The following ANKRD30BL variants were observed in gnomAD, a reference collection of about 807,000 sequenced individuals.
ANKRD30BL encodes putative ankyrin repeat domain-containing protein 30B-like.
ANKRD30BL carries 20 observed loss-of-function variants against 18.4 expected under a neutral mutation model. That is an observed-to-expected ratio of 1.09 (90% confidence interval 0.77 to 1.58). The LOEUF is 1.58. Ranked by LOEUF, ANKRD30BL falls within the 40% of genes most tolerant of loss-of-function variation. The pLI is 0.00. For missense variants in ANKRD30BL, 224 were observed against 268.6 expected, an observed-to-expected ratio of 0.83 and a Z score of 1.16; for synonymous variants, 72 against 100.9, an observed-to-expected ratio of 0.71 and a Z score of 1.72.
intron 1 of ANKRD30BL, among the ~76,000 whole-genome samples, chr2:132,224,962 G>A (rs1679801477): frequency 6.6e-6 from 1 of 151,958 alleles, no homozygotes; most frequent in African/African-American, 2.4e-5. Flanking sequence ...TGAGGCCTAT[G>A]GTGGAAAAGG....
intron 1 of ANKRD30BL, among the ~76,000 whole-genome samples, chr2:132,195,922 A>G (rs1678958301): frequency 6.6e-6 from 1 of 151,750 alleles, no homozygotes; most frequent in African/African-American, 2.4e-5. Context: ...TGGGTGGATC[A>G]CGAGGTCAGG....
intron 3 of ANKRD30BL, chr2:132,156,672 AC>A (rs1289396255): frequency 1.8e-5 from 3 of 164,974 alleles, no homozygotes; most frequent in African/African-American, 7.1e-5. Context: ...GGCAAATTTT[AC>A]TTTCCTGTAG....
intron 4 of ANKRD30BL, chr2:132,152,756 C>T (rs1047125006): frequency 3.3e-5 from 5 of 152,106 alleles, no homozygotes; most frequent in African/African-American, 1.2e-4. Context: ...ACGACCACAA[C>T]TAATATTGGC....
intron 1 of ANKRD30BL, among the ~76,000 whole-genome samples, chr2:132,183,717 ATGTG>A (rs966849191): frequency 1.4e-4 from 21 of 152,196 alleles, no homozygotes; most frequent in Admixed American, 5.2e-4. Context: ...ACGTGTATAT[ATGTG>A]TGTATGTATA....
At chr2:132,209,601 G>A (rs1003749876) in intron 1 of ANKRD30BL, among the ~76,000 whole-genome samples, 2 of 152,092 alleles carry the variant, frequency 1.3e-5, no homozygotes, top group African/African-American at 4.8e-5. Context: ...TCTTTTGATT[G>A]AACAGTTTTG....
rs185202495 is a variant in ANKRD30BL, at chr2:132,161,743, G to C, written c.-38C>G. The C allele has an allele frequency of 1.2e-3, 1,170 of 981,692 alleles. 4 individuals carry two copies. The African/African-American group carries it at 0.016, about 13-fold the overall frequency. The allele number at this position is 981,692 out of a possible 1,614,324, so 60.8% of individuals were successfully genotyped here. A position where few individuals can be genotyped will look rare whatever the true frequency, so the allele number is the denominator to read the frequency against. Reference sequence around the variant, plus strand: ...CTGCTAGAGAGAGCCCGTGCCTCCCGCTGCTCGCCCTTCCCCAGTCCCCGC... The same window carrying C: ...CTGCTAGAGAGAGCCCGTGCCTCCCCCTGCTCGCCCTTCCCCAGTCCCCGC... On this transcript the variant is annotated 5_prime_UTR_variant, in exon 1 of 6. Coordinates refer to ENST00000409867, the MANE Select transcript of ANKRD30BL (RefSeq NM_001358416.1).
chr2:132,151,453 T>C (rs1399447750), intron 4 of ANKRD30BL, among the ~76,000 whole-genome samples: 4 of 152,016 alleles, frequency 2.6e-5, no homozygotes, highest in Non-Finnish European at 5.9e-5. Flanking sequence ...GCTGAAACAA[T>C]TTAAAATTCC....
upstream of ANKRD30BL, among the ~76,000 whole-genome samples, chr2:132,165,464 C>T (rs192420933): frequency 3.7e-4 from 53 of 142,618 alleles, no homozygotes; most frequent in Admixed American, 4.9e-4. Flanking sequence ...GAGGCCGAGG[C>T]GGTCGCATTG....
intron 1 of ANKRD30BL, among the ~76,000 whole-genome samples, chr2:132,159,600 T>A (rs967352717): frequency 7.9e-5 from 12 of 152,206 alleles, no homozygotes; most frequent in African/African-American, 2.9e-4. Context: ...ATTGCTCAAT[T>A]ATAATTAGCG....
In ANKRD30BL at chr2:132,181,242, C is replaced by T. The variant is rs143211721; in HGVS notation, n.442-24096G>A. 7.2e-5 allele frequency among the ~76,000 whole-genome samples: 11 copies of T among 151,908 alleles called. No homozygotes were observed. In the South Asian group the frequency reaches 1.0e-3, roughly 14 times the overall value. On this transcript the variant is annotated intron_variant and non_coding_transcript_variant, in intron 1 of 4. Transcript: ENST00000470729. ...TAATCTCAGCACTTTGGGAGGCTGA[C>T]GTGGGCGGATTGCCTGAGCTCAGGA... is the stretch of plus-strand genomic sequence containing the variant.
chr2:132,163,726 G>T (rs1311667513), upstream of ANKRD30BL, among the ~76,000 whole-genome samples: 1 of 152,182 alleles, frequency 6.6e-6, no homozygotes, highest in East Asian at 1.9e-4. Context: ...GTCCCCAGCT[G>T]CAGGAGGGTG....
At chr2:132,238,362 C>T (rs934058469) in intron 1 of ANKRD30BL, among the ~76,000 whole-genome samples, 1 of 151,760 alleles carries the variant, frequency 6.6e-6, no homozygotes, top group African/African-American at 2.4e-5. Flanking sequence ...ATTCAACTCA[C>T]AGAGTTGAAA....
chr2:132,244,610 G>T (rs926995695), intron 1 of ANKRD30BL, among the ~76,000 whole-genome samples: 1 of 152,282 alleles, frequency 6.6e-6, no homozygotes, highest in Non-Finnish European at 1.5e-5. Flanking sequence ...CTAGACAGAA[G>T]AATTCTCAGA....
At chr2:132,160,590 C>G (rs985795385) in intron 1 of ANKRD30BL, among the ~76,000 whole-genome samples, 1 of 151,676 alleles carries the variant, frequency 6.6e-6, no homozygotes, top group Non-Finnish European at 1.5e-5. Flanking sequence ...AGGCGCCCAC[C>G]ACCACGCCCG....
At chr2:132,219,381 T>G (rs369735243) in intron 1 of ANKRD30BL, among the ~76,000 whole-genome samples, 6 of 151,456 alleles carry the variant, frequency 4.0e-5, no homozygotes, top group African/African-American at 1.5e-4. Context: ...AACTCACAGA[T>G]TTGAAGCTTT....
rs550992898 is a variant in ANKRD30BL, at chr2:132,195,310, T to C, written n.442-38164A>G. Among the ~76,000 whole-genome samples the C allele has an allele frequency of 5.8e-4, 88 of 152,254 alleles. 1 individual carries two copies. The highest frequency in any genetic ancestry group is 5.0e-3 in the South Asian group (24 of 4,826). ...ACTATGACATGTAGAGAACTTCTCATTCAAGGTGAGTGTGCAAAAATATTA... is the reference window on the plus strand; with the variant it reads ...ACTATGACATGTAGAGAACTTCTCACTCAAGGTGAGTGTGCAAAAATATTA... On this transcript the variant is annotated intron_variant and non_coding_transcript_variant, in intron 1 of 4. Coordinates refer to the ANKRD30BL transcript ENST00000470729.
intron 1 of ANKRD30BL, among the ~76,000 whole-genome samples, chr2:132,234,676 G>A (rs1487589014): frequency 6.6e-6 from 1 of 152,148 alleles, no homozygotes; most frequent in Non-Finnish European, 1.5e-5. Flanking sequence ...AACAGGCTCT[G>A]AAATTGTGGC....
At chr2:132,165,060 C>A (rs1455346949), upstream of ANKRD30BL, among the ~76,000 whole-genome samples, 1 of 151,638 alleles carries the variant, frequency 6.6e-6, no homozygotes, top group Non-Finnish European at 1.5e-5. Flanking sequence ...GGCGACAGAG[C>A]AGACTCCGTC....
chr2:132,161,382 C>T (rs1688052247), intron 1 of ANKRD30BL, 106 bp downstream of exon 1: 2 of 1,133,166 alleles, frequency 1.8e-6, no homozygotes, highest in Admixed American at 2.3e-5. Context: ...GCCACTCCTC[C>T]ACCTGCTCCC....
Sources: gnomAD v4.1 joint callset for allele counts (sites outside exome capture counted in the v4.1 genomes callset) on GRCh38, gnomAD v4.1.1 for gene constraint, MANE v1.5 for transcripts, NCBI Gene and HGNC (gene_info 2026-07-23, HGNC 2026-07-21) for gene names.